TRAF3: variants seen among roughly 807,000 people sequenced by gnomAD.
TRAF3 encodes the protein TNF receptor associated factor 3, also known as TNF receptor-associated factor 3.
In TRAF3, 13 loss-of-function variants were observed where a neutral mutation model predicts 62.3. That is an observed-to-expected ratio of 0.21 (90% CI 0.14 to 0.33). TRAF3 has a LOEUF of 0.33. Among genes scored for constraint, TRAF3 ranks in the 10% least tolerant of loss-of-function variants. The probability of loss-of-function intolerance (pLI) is 1.00; values close to 1 mark genes in which losing one functional copy is unlikely to be tolerated. For missense variants in TRAF3, 440 were observed against 741.8 expected, an observed-to-expected ratio of 0.59 and a Z score of 4.73; for synonymous variants, 269 against 283.4, an observed-to-expected ratio of 0.95 and a Z score of 0.51.
chr14:102,811,751 G>A (rs1309075749), intron 1 of TRAF3, among the ~76,000 whole-genome samples: 1 of 148,680 alleles, frequency 6.7e-6, no homozygotes. Context: ...GTGTGTGTGT[G>A]TGTGTGTGTG....
At chr14:102,809,529 C>CTTTT (rs60882875) in intron 1 of TRAF3, among the ~76,000 whole-genome samples, 3 of 114,916 alleles carry the variant, frequency 2.6e-5, no homozygotes, top group African/African-American at 3.6e-5. Flanking sequence ...ACAGCATAGA[C>CTTTT]TTTTTTTTTT....
intron 2 of TRAF3, among the ~76,000 whole-genome samples, chr14:102,837,142 G>GTATGTT (rs1555370326): frequency 5.3e-5 from 7 of 130,930 alleles, no homozygotes; most frequent in Admixed American, 5.3e-4. Flanking sequence ...GTGTGTGTGT[G>GTATGTT]TTTTTTTTGG....
intron 1 of TRAF3, among the ~76,000 whole-genome samples, chr14:102,798,810 TCCTGCTG>T: frequency 6.6e-6 from 1 of 152,208 alleles, no homozygotes; most frequent in Admixed American, 6.5e-5. Context: ...TGGGTGCCAG[TCCTGCTG>T]TTACAGTGCT....
intron 1 of TRAF3, among the ~76,000 whole-genome samples, chr14:102,799,442 T>TTTG (rs1264147813): frequency 6.6e-6 from 1 of 152,064 alleles, no homozygotes; most frequent in Non-Finnish European, 1.5e-5. Context: ...TTTACTTGTT[T>TTTG]TTGTTGTTGT....
At chr14:102,784,297 A>ACTG (rs1897390895) in intron 1 of TRAF3, among the ~76,000 whole-genome samples, 1 of 139,230 alleles carries the variant, frequency 7.2e-6, no homozygotes. Flanking sequence ...ATCTCGACTC[A>ACTG]CTGCAACCTC....
chr14:102,872,816 C>G (rs749494062), intron 4 of TRAF3, among the ~76,000 whole-genome samples: 1 of 152,002 alleles, frequency 6.6e-6, no homozygotes, highest in Non-Finnish European at 1.5e-5. Flanking sequence ...CGCAGCCTCC[C>G]GAGTAGCTGG....
At chr14:102,820,573 CATATATATATATATATATATATATATAT>C (rs1292113936) in intron 1 of TRAF3, among the ~76,000 whole-genome samples, 2 of 23,602 alleles carry the variant, frequency 8.5e-5, no homozygotes, top group African/African-American at 1.4e-4. Context: ...ATGGGACCAG[CATATATATATATATATATATATATATAT>C]ATATATATAT....
chr14:102,814,340 G>T (rs2139538814), intron 1 of TRAF3, among the ~76,000 whole-genome samples: 1 of 152,244 alleles, frequency 6.6e-6, no homozygotes, highest in East Asian at 1.9e-4. Context: ...GCTTACTACA[G>T]CTTTGTAGTA....
At chr14:102,808,591 A>G (rs1359045891) in intron 1 of TRAF3, among the ~76,000 whole-genome samples, 1 of 152,142 alleles carries the variant, frequency 6.6e-6, no homozygotes, top group Non-Finnish European at 1.5e-5. Flanking sequence ...AGGGAAGGAA[A>G]TGTCTGAGAA....
At chr14:102,859,705 C>T (rs557699542) in intron 2 of TRAF3, among the ~76,000 whole-genome samples, 1 of 152,298 alleles carries the variant, frequency 6.6e-6, no homozygotes, top group Non-Finnish European at 1.5e-5. Context: ...GATTTAAACA[C>T]TTATTTTTAA....
chr14:102,837,848 C>T (rs1595348173), intron 2 of TRAF3, among the ~76,000 whole-genome samples: 2 of 152,182 alleles, frequency 1.3e-5, no homozygotes, highest in South Asian at 4.1e-4. Context: ...GTCCTGTTAG[C>T]TCTGACTTTG....
chr14:102,844,050 G>A (rs979783303), intron 2 of TRAF3, among the ~76,000 whole-genome samples: 2 of 152,174 alleles, frequency 1.3e-5, no homozygotes, highest in Non-Finnish European at 2.9e-5. Flanking sequence ...TGAAGAAATA[G>A]AAAACCTTAA....
intron 1 of TRAF3, among the ~76,000 whole-genome samples, chr14:102,796,373 C>G (rs1037129208): frequency 2.6e-5 from 4 of 152,244 alleles, no homozygotes; most frequent in Admixed American, 6.5e-5. Flanking sequence ...CTGCAGTATC[C>G]TCTACGATAT....
rs1375334259 is a variant in TRAF3, at chr14:102,826,890, G to A, written c.-156-3444G>A. On this transcript the variant is annotated intron_variant, in intron 1 of 11. Transcript: ENST00000392745. The surrounding 1 kb of genome is among the most constrained non-coding windows in gnomAD (Gnocchi z 4.6). ...CACAGAGCTGCCCTGCTGTGTCCAT[G>A]CCCTGGTGCCTCCCCGTGGTCACCA... Among the ~76,000 whole-genome samples, 1 of 152,154 alleles carries A rather than the reference G, an allele frequency of 6.6e-6. No individual in the cohort carries two copies. Among genetic ancestry groups the A allele is most frequent in the African/African-American group, 2.4e-5 (1 of 41,436 alleles).
At chr14:102,832,503 G>A (rs565433725) in intron 2 of TRAF3, among the ~76,000 whole-genome samples, 3 of 151,718 alleles carry the variant, frequency 2.0e-5, no homozygotes, top group East Asian at 3.9e-4. Flanking sequence ...GTAAAACCCC[G>A]TCTCTACTAA....
chr14:102,850,071 T>A (rs1354181594), intron 2 of TRAF3, among the ~76,000 whole-genome samples: 1 of 152,192 alleles, frequency 6.6e-6, no homozygotes, highest in Non-Finnish European at 1.5e-5. Flanking sequence ...TTCCAGTTTT[T>A]AAATTCTAAT....
chr14:102,851,098 AG>A, intron 2 of TRAF3, among the ~76,000 whole-genome samples: 1 of 152,324 alleles, frequency 6.6e-6, no homozygotes, highest in African/African-American at 2.4e-5. Context: ...AGTTACTAAA[AG>A]TTGCCTCAAA....
chr14:102,796,418 T>C (rs1361065841), intron 1 of TRAF3, among the ~76,000 whole-genome samples: 3 of 152,226 alleles, frequency 2.0e-5, no homozygotes, highest in Non-Finnish European at 1.5e-5. Flanking sequence ...CCCTGAGTCC[T>C]GTGAGCCACT....
In TRAF3 at chr14:102,897,595, G is replaced by T. The variant is rs72704733; in HGVS notation, c.960+194G>T. 7.6e-3 allele frequency among the ~76,000 whole-genome samples: 1,157 copies of T among 152,292 alleles called. 13 individuals are homozygous for T. The highest frequency in any genetic ancestry group is 8.9e-3 in the Admixed American group (136 of 15,292). The stretch of plus-strand genomic sequence containing the variant: ...ACAGGCCCGGCCTGGGAAGCCGCAG[G>T]TCAGCGTTTTCAAACTGCCTTTTCT... On this transcript the variant is annotated intron_variant, in intron 10 of 11. Transcript: ENST00000392745.
Sources: allele counts gnomAD v4.1 joint callset (sites outside exome capture counted in the v4.1 genomes callset), GRCh38; gene constraint gnomAD v4.1.1; non-coding constraint Gnocchi (gnomAD v3.1); transcripts MANE v1.5; gene names NCBI Gene and HGNC (gene_info 2026-07-23, HGNC 2026-07-21).